BCOR: variants seen among roughly 807,000 people sequenced by gnomAD.
BCOR encodes the protein BCL-6 corepressor.
Under a neutral mutation model 86.7 loss-of-function variants are expected in BCOR, and 10 were observed. The ratio of observed to expected loss-of-function variants is 0.12; its 90% confidence interval spans 0.07 to 0.20. The LOEUF is 0.20. Ranked by LOEUF, BCOR falls within the 10% of genes least tolerant of loss-of-function variation. BCOR has a pLI of 1.00. For missense variants in BCOR, 1,259 were observed against 1,452.1 expected (o/e 0.87, Z 2.16); for synonymous variants, 611 against 609.0 (o/e 1.00, Z -0.05).
rs1413136282 is a variant in BCOR, at chrX:40,163,347, G to A, written c.-41+13660C>T. Reference sequence around the variant, plus strand: ...TTCCCACATTGGACAAGATCATAGAGACAGCTGTCTTGATATATTTTCTAT... The same window carrying A: ...TTCCCACATTGGACAAGATCATAGAAACAGCTGTCTTGATATATTTTCTAT... On this transcript the variant is annotated intron_variant, in intron 1 of 14. Transcript: ENST00000342274. Among the ~76,000 whole-genome samples the A allele has an allele frequency of 2.7e-5, 3 of 111,233 alleles. No homozygotes were observed. The Admixed American group carries it at 2.9e-4, about 11-fold the overall frequency.
In BCOR at chrX:40,074,999, G is replaced by A. The variant is rs775994643; in HGVS notation, c.347C>T (p.Ser116Leu). Residue 116 changes from serine to leucine, a missense_variant, in exon 4 of 15, where the codon TCG becomes TTG. Around this residue, in one of 7 missense-constraint regions of BCOR, gnomAD observed 174 missense variants for 189.3 expected, o/e 0.92. Coordinates refer to ENST00000378444, the MANE Select transcript of BCOR (RefSeq NM_001123385.2). Reference protein sequence around the residue: ...TSTLGGLGFSSERNPEMQFKP... With the variant: ...TSTLGGLGFSLERNPEMQFKP... ...GAACTGCATCTCTGGATTTCTTTCC[G>A]AAGAAAACCCAAGGCCACCTAGAGT... is the stretch of plus-strand genomic sequence containing the variant. 15 of 1,206,631 alleles carry A rather than the reference G, an allele frequency of 1.2e-5. No individual in the cohort carries two copies. The South Asian group carries it at 1.4e-4, about 11-fold the overall frequency.
chrX:40,140,402 TGCAGTGA>T (rs1937896326), intron 1 of BCOR, among the ~76,000 whole-genome samples: 1 of 111,017 alleles, frequency 9.0e-6, no homozygotes, highest in Non-Finnish European at 1.9e-5. Context: ...AGGTCGAGGA[TGCAGTGA>T]GCTGTGATCA....
chrX:40,114,254 G>A (rs1327280418), intron 1 of BCOR, among the ~76,000 whole-genome samples: 1 of 111,571 alleles, frequency 9.0e-6, no homozygotes, highest in Non-Finnish European at 1.9e-5. Context: ...TTCTGGTGAG[G>A]ATTGGGGCAG....
chrX:40,103,132 C>A (rs1347178646), intron 1 of BCOR, among the ~76,000 whole-genome samples: 1 of 110,350 alleles, frequency 9.1e-6, no homozygotes, highest in East Asian at 2.8e-4. Context: ...TTGTGTGGTG[C>A]GGCCTGACAG....
chrX:40,062,027 C>T (rs1341276221), intron 10 of BCOR, 112 bp downstream of exon 10: 1 of 994,052 alleles, frequency 1.0e-6, no homozygotes, highest in African/African-American at 1.9e-5. Flanking sequence ...CCGGCCCAGC[C>T]CCGATGTGGA....
chrX:40,104,976 C>T (rs1937145040), intron 1 of BCOR, among the ~76,000 whole-genome samples: 1 of 110,696 alleles, frequency 9.0e-6, no homozygotes, highest in South Asian at 3.7e-4. Context: ...GTGCGGGCTC[C>T]GCGGAGCCCG....
At chrX:40,151,347 T>A (rs1170061844) in intron 1 of BCOR, among the ~76,000 whole-genome samples, 3 of 112,366 alleles carry the variant, frequency 2.7e-5, no homozygotes, top group African/African-American at 9.7e-5. Flanking sequence ...TGTAATGTTT[T>A]CCTGGAATGA....
In BCOR at chrX:40,147,029, C is replaced by T. The variant is rs143761097; in HGVS notation, c.-41+29978G>A. Among the ~76,000 whole-genome samples, 24 of 111,700 alleles carry T rather than the reference C, an allele frequency of 2.1e-4. No individual in the cohort carries two copies. In the East Asian group the frequency reaches 6.9e-3, roughly 32 times the overall value. On this transcript the variant is annotated intron_variant, in intron 1 of 14. Coordinates refer to the BCOR transcript ENST00000342274. ...GGAACGTTTCCTTCACCTGCTCGGC[C>T]GCCTGGGGTGTTTGTAGGTCCCCGC...
At chrX:40,107,984 A>G (rs1463103039) in intron 1 of BCOR, among the ~76,000 whole-genome samples, 3 of 113,250 alleles carry the variant, frequency 2.6e-5, no homozygotes. Flanking sequence ...GCCTTCTACA[A>G]GAAAGGAGAG....
intron 1 of BCOR, among the ~76,000 whole-genome samples, chrX:40,085,748 G>A (rs1384233906): frequency 1.8e-5 from 2 of 112,028 alleles, no homozygotes; most frequent in African/African-American, 6.5e-5. Flanking sequence ...ACTCATGGGG[G>A]AGAGGAGTGA....
At chrX:40,101,935 A>G (rs1299532441), upstream of BCOR, among the ~76,000 whole-genome samples, 1 of 111,802 alleles carries the variant, frequency 8.9e-6, no homozygotes, top group Non-Finnish European at 1.9e-5. Flanking sequence ...ACCCACACTT[A>G]TAGTCTTCTG....
chrX:40,146,569 C>T (rs1482737983), intron 1 of BCOR: 1 of 112,750 alleles, frequency 8.9e-6, no homozygotes, highest in Non-Finnish European at 1.9e-5. Context: ...GCTCCCACAC[C>T]GCCCGCGAGT....
intron 1 of BCOR, among the ~76,000 whole-genome samples, chrX:40,117,096 G>C (rs1195989704): frequency 1.8e-5 from 2 of 112,509 alleles, no homozygotes; most frequent in Non-Finnish European, 3.8e-5. Flanking sequence ...ATTGTCCTCT[G>C]CTCTAGATCT....
intron 1 of BCOR, among the ~76,000 whole-genome samples, chrX:40,172,768 C>A (rs1938656289): frequency 8.8e-6 from 1 of 113,130 alleles, no homozygotes; most frequent in African/African-American, 3.2e-5. Context: ...GCGGGAGAAG[C>A]CCGGGGGCGC....
intron 1 of BCOR, among the ~76,000 whole-genome samples, chrX:40,154,500 A>G (rs759696207): frequency 7.7e-4 from 84 of 108,795 alleles, no homozygotes; most frequent in Non-Finnish European, 1.3e-3. Context: ...GCAGCTGGCG[A>G]TCTCTCCCGA....
rs768717698 is a variant in BCOR, at chrX:40,147,738, C to T, written c.-41+29269G>A. On this transcript the variant is annotated intron_variant, in intron 1 of 14. Transcript: ENST00000342274. Reference sequence around the variant, plus strand: ...ACCCGAAAACGAAGGCAGCAGCAGCCGCCCGAGTCCCGAAGCGGAGGCGTG... The same window carrying T: ...ACCCGAAAACGAAGGCAGCAGCAGCTGCCCGAGTCCCGAAGCGGAGGCGTG... 1.6e-3 allele frequency among the ~76,000 whole-genome samples: 186 copies of T among 113,368 alleles called. 2 individuals carry two copies. The highest frequency in any genetic ancestry group is 5.7e-3 in the African/African-American group (178 of 31,344).
chrX:40,168,739 C>G (rs973831830), intron 1 of BCOR, among the ~76,000 whole-genome samples: 1 of 113,418 alleles, frequency 8.8e-6, no homozygotes, highest in African/African-American at 3.2e-5. Context: ...GAGCACGGAG[C>G]CAGGGCGGCC....
At chrX:40,109,109 G>C (rs932111976) in intron 1 of BCOR, among the ~76,000 whole-genome samples, 1 of 112,261 alleles carries the variant, frequency 8.9e-6, no homozygotes, top group Non-Finnish European at 1.9e-5. Context: ...GAGGAGGAGA[G>C]ACGAGGGGGC....
At chrX:40,112,899 C>A (rs1033103750) in intron 1 of BCOR, among the ~76,000 whole-genome samples, 6 of 109,654 alleles carry the variant, frequency 5.5e-5, no homozygotes, top group Non-Finnish European at 1.1e-4. Context: ...GAAAATGGCT[C>A]ACCCACTCAG....
Sources: gnomAD v4.1 joint callset for allele counts (sites outside exome capture counted in the v4.1 genomes callset) on GRCh38, gnomAD v4.1.1 for gene constraint, gnomAD v4.1.1 regional missense constraint, MANE v1.5 for transcripts, NCBI Gene and HGNC (gene_info 2026-07-23, HGNC 2026-07-21) for gene names.